Variants in GARNL3 observed in about 807,000 individuals in gnomAD.
GARNL3 encodes the protein GTPase-activating Rap/Ran-GAP domain-like protein 3.
Under a neutral mutation model 125.0 loss-of-function variants are expected in GARNL3, and 63 were observed. The ratio of observed to expected loss-of-function variants is 0.50; its 90% CI spans 0.41 to 0.62. The LOEUF (loss-of-function observed/expected upper bound fraction) is 0.62, where lower values mean the gene tolerates loss of function less well. Among genes scored for constraint, GARNL3 ranks in the 20% least tolerant of loss-of-function variants. The pLI is 0.00. For synonymous variants in GARNL3, 439 were observed against 457.5 expected, an observed-to-expected ratio of 0.96 and a Z score of 0.52; for missense variants, 994 against 1,244.0, an observed-to-expected ratio of 0.80 and a Z score of 3.02.
At chr9:127,335,687 G>A (rs1326508075) in intron 10 of GARNL3, among the ~76,000 whole-genome samples, 1 of 151,826 alleles carries the variant, frequency 6.6e-6, no homozygotes. Context: ...ATCCAACATG[G>A]ACTCTTGAGA....
In GARNL3 at chr9:127,344,251, G is replaced by T; in HGVS notation, c.1268G>T (p.Arg423Leu). 6.2e-7 allele frequency: 1 copy of T among 1,609,724 alleles called. No homozygotes were observed. Reference protein sequence around the residue: ...PDLHKNMLNRRSFSDVLPESP... With the variant: ...PDLHKNMLNRLSFSDVLPESP... The stretch of plus-strand genomic sequence containing the variant: ...CTTTTTTAGAACATGCTTAATAGAC[G>T]ATCTTTTAGTGATGTCTTACCAGAG... Residue 423 changes from arginine (R) to leucine (L), a missense_variant, in exon 15 of 28, where the codon CGA becomes CTA. Around this residue, in one of 5 missense-constraint regions of GARNL3, gnomAD observed 728 missense variants for 865.7 expected, o/e 0.84. Coordinates refer to ENST00000373387, the MANE Select transcript of GARNL3 (RefSeq NM_032293.5).
intron 22 of GARNL3, among the ~76,000 whole-genome samples, chr9:127,370,573 G>GT (rs1019893389): frequency 2.6e-5 from 4 of 152,150 alleles, no homozygotes; most frequent in African/African-American, 7.2e-5. Flanking sequence ...AGCCAAACCT[G>GT]TGCCCTGTAT....
intron 1 of GARNL3, among the ~76,000 whole-genome samples, chr9:127,270,085 T>C (rs527431343): frequency 6.6e-6 from 1 of 152,348 alleles, no homozygotes; most frequent in Admixed American, 6.5e-5. Flanking sequence ...TGAGCCATTT[T>C]GAGTTCATTT....
chr9:127,359,310 C>T (rs563146573), intron 21 of GARNL3, among the ~76,000 whole-genome samples: 1 of 152,102 alleles, frequency 6.6e-6, no homozygotes, highest in Non-Finnish European at 1.5e-5. Flanking sequence ...GCCAACATGG[C>T]GAAACCCCAT....
intron 2 of GARNL3, among the ~76,000 whole-genome samples, chr9:127,292,610 C>T (rs139585170): frequency 1.6e-3 from 247 of 152,360 alleles, no homozygotes; most frequent in African/African-American, 5.8e-3. Flanking sequence ...TGGACTTTGC[C>T]ACCCTACGTA....
intron 4 of GARNL3, among the ~76,000 whole-genome samples, chr9:127,315,402 C>T (rs1412553927): frequency 6.6e-6 from 1 of 152,050 alleles, no homozygotes; most frequent in Non-Finnish European, 1.5e-5. Context: ...TTTGGGAGGT[C>T]GAGGTGGGAG....
At chr9:127,247,618 T>G (rs1406322560) in intron 2 of GARNL3, among the ~76,000 whole-genome samples, 3 of 151,998 alleles carry the variant, frequency 2.0e-5, no homozygotes, top group Admixed American at 2.0e-4. Flanking sequence ...TTTTTTTACC[T>G]TTTTTTTATT....
At chr9:127,377,320 C>T (rs1242283643) in intron 22 of GARNL3, among the ~76,000 whole-genome samples, 1 of 139,546 alleles carries the variant, frequency 7.2e-6, no homozygotes, top group Non-Finnish European at 1.7e-5. Flanking sequence ...TTAAAGATAA[C>T]GTTAGGACAA....
intron 1 of GARNL3, among the ~76,000 whole-genome samples, chr9:127,269,632 C>A (rs2063774595): frequency 6.6e-6 from 1 of 152,154 alleles, no homozygotes; most frequent in African/African-American, 2.4e-5. Flanking sequence ...AGTGGTATCT[C>A]ATTGTGGCTT....
Position 127,356,207 on chromosome 9 carries a change from G to T in GARNL3, c.1935+735G>T, listed in dbSNP as rs187914951. Among the ~76,000 whole-genome samples the T allele has an allele frequency of 1.2e-3, 189 of 152,334 alleles. 1 individual carries two copies. The highest frequency in any genetic ancestry group is 2.5e-3 in the Non-Finnish European group (167 of 68,032). ...TTCTGGGTAGAGGGGAGCTTAGGAG[G>T]CCAAGGGTGGAAATAAGAAGGCCTG... On this transcript the variant is annotated intron_variant, in intron 20 of 27. Transcript: ENST00000373387.
At chr9:127,264,119 A>T (rs929145389), upstream of GARNL3, 5 of 660,102 alleles carry the variant, frequency 7.6e-6, no homozygotes, top group Non-Finnish European at 1.2e-5. Flanking sequence ...GACATATTAG[A>T]ATCAAACTTA....
At chr9:127,352,937 G>C (rs1259315691) in intron 17 of GARNL3, among the ~76,000 whole-genome samples, 1 of 152,152 alleles carries the variant, frequency 6.6e-6, no homozygotes, top group African/African-American at 2.4e-5. Context: ...TGCCCCAAAT[G>C]TCTCCACCAT....
intron 20 of GARNL3, among the ~76,000 whole-genome samples, chr9:127,355,821 G>A (rs755764105): frequency 2.2e-4 from 34 of 152,220 alleles, no homozygotes; most frequent in Non-Finnish European, 4.4e-4. Flanking sequence ...GAGGGCCAGG[G>A]AACAAAGGAT....
At chr9:127,278,556 A>G (rs184016227) in intron 1 of GARNL3, among the ~76,000 whole-genome samples, 1 of 152,326 alleles carries the variant, frequency 6.6e-6, no homozygotes, top group East Asian at 1.9e-4. Context: ...TAGCTTTCAC[A>G]AGAACAACTT....
In GARNL3 at chr9:127,365,232, A is replaced by T; in HGVS notation, c.2095-68A>T. The T allele has an allele frequency of 3.7e-6, 5 of 1,369,294 alleles. No individual in the cohort carries two copies. The South Asian group carries it at 5.8e-5, about 16-fold the overall frequency. The allele number at this position is 1,369,294 out of a possible 1,614,324, so 84.8% of individuals were successfully genotyped here. A position where few individuals can be genotyped will look rare whatever the true frequency, so the allele number is the denominator to read the frequency against. ...GCCTCGGCCTCCACAAATGCTCACAACTTGTAAAAGTCTTTTCACAGGGTC... is the reference window on the plus strand; with the variant it reads ...GCCTCGGCCTCCACAAATGCTCACATCTTGTAAAAGTCTTTTCACAGGGTC... On this transcript the variant is annotated intron_variant, in intron 21 of 27. Coordinates refer to ENST00000373387, the MANE Select transcript of GARNL3 (RefSeq NM_032293.5).
upstream of GARNL3, among the ~76,000 whole-genome samples, chr9:127,258,830 C>G (rs773141310): frequency 3.3e-5 from 5 of 152,168 alleles, no homozygotes; most frequent in South Asian, 2.1e-4. Flanking sequence ...CTCTGTCCCT[C>G]AATAAGGAGA....
intron 10 of GARNL3, among the ~76,000 whole-genome samples, chr9:127,335,597 G>A (rs1424223836): frequency 6.6e-6 from 1 of 152,166 alleles, no homozygotes; most frequent in Non-Finnish European, 1.5e-5. Context: ...ATAGGTATTT[G>A]TATGTGTGTG....
chr9:127,331,452 C>T (rs1226070187), intron 7 of GARNL3, among the ~76,000 whole-genome samples: 1 of 151,564 alleles, frequency 6.6e-6, no homozygotes, highest in Non-Finnish European at 1.5e-5. Flanking sequence ...GAGATCACGC[C>T]ACTGCACTCC....
In GARNL3 at chr9:127,291,233, T is replaced by C. The variant is rs752926536; in HGVS notation, c.210T>C (p.Ser70=). ...GAAGATTCAGAGTGGAAAATGGCTC[T>C]TCAGATGAGGTAAGGAAGCCTCCCC... ...RAGRFRVENG[S]SDENATALPG... is the part of the protein sequence containing the mutation. Residue 70 remains serine, a synonymous_variant, in exon 2 of 28, where the codon TCT becomes TCC. Transcript: ENST00000373387. 3.7e-6 allele frequency: 6 copies of C among 1,613,872 alleles called. No individual in the cohort carries two copies. The highest frequency in any genetic ancestry group is 5.1e-6 in the Non-Finnish European group (6 of 1,179,902).
Sources: allele counts gnomAD v4.1 joint callset (sites outside exome capture counted in the v4.1 genomes callset), GRCh38; gene constraint gnomAD v4.1.1; regional missense constraint gnomAD v4.1.1; transcripts MANE v1.5; gene names NCBI Gene and HGNC (gene_info 2026-07-23, HGNC 2026-07-21).